Variants in RBFOX2 observed in about 807,000 individuals in gnomAD.
RBFOX2 encodes RNA binding fox-1 homolog 2.
A neutral mutation model predicts 49.1 loss-of-function variants in RBFOX2; 10 were observed. The observed-to-expected ratio is 0.20, with a 90% CI of 0.13 to 0.35. The LOEUF (loss-of-function observed/expected upper bound fraction) is 0.35, where lower values mean the gene tolerates loss of function less well. RBFOX2 is among the 10% of genes least tolerant of loss of function. The pLI is 1.00. For missense variants in RBFOX2, 323 were observed against 486.9 expected (o/e 0.66, Z 3.17); for synonymous variants, 183 against 187.4 (o/e 0.98, Z 0.19).
At chr22:35,897,087 G>A (rs999881844) in intron 1 of RBFOX2, among the ~76,000 whole-genome samples, 6 of 152,072 alleles carry the variant, frequency 3.9e-5, no homozygotes, top group Non-Finnish European at 8.8e-5. Flanking sequence ...CAAATTCTTT[G>A]AAGAGTCTTT....
intron 1 of RBFOX2, among the ~76,000 whole-genome samples, chr22:35,816,166 A>G (rs866163743): frequency 3.3e-5 from 5 of 152,360 alleles, no homozygotes; most frequent in Middle Eastern, 3.4e-3. Flanking sequence ...CTCATTTGCA[A>G]GACTTAAAGC....
chr22:35,763,563 A>T (rs1359241795), intron 6 of RBFOX2, among the ~76,000 whole-genome samples: 1 of 152,230 alleles, frequency 6.6e-6, no homozygotes, highest in Non-Finnish European at 1.5e-5. Flanking sequence ...CTGCCTCAAA[A>T]CAAAAACAAA....
chr22:35,835,509 C>T (rs1411999187), intron 1 of RBFOX2, among the ~76,000 whole-genome samples: 3 of 151,940 alleles, frequency 2.0e-5, no homozygotes, highest in Admixed American at 2.0e-4. Flanking sequence ...GGAACAAAAC[C>T]AGGAATTTGA....
chr22:36,003,052 A>G (rs979203357), intron 1 of RBFOX2, among the ~76,000 whole-genome samples: 1 of 152,156 alleles, frequency 6.6e-6, no homozygotes. Flanking sequence ...CCCCTATACA[A>G]TGAAGATCTC....
At chr22:35,795,195 C>T (rs1339212149) in intron 2 of RBFOX2, among the ~76,000 whole-genome samples, 1 of 151,956 alleles carries the variant, frequency 6.6e-6, no homozygotes, top group African/African-American at 2.4e-5. Context: ...TAAATTGATA[C>T]AGGATATATA....
intron 1 of RBFOX2, among the ~76,000 whole-genome samples, chr22:35,977,722 CTATATATATATATATATATATATATATA>C (rs375088964): frequency 3.7e-5 from 3 of 80,842 alleles, no homozygotes; most frequent in Non-Finnish European, 4.8e-5. Context: ...CCTGAATGAA[CTATATATATATATATATATATATATATA>C]TATATATATA....
chr22:35,741,406 T>G (rs779901901), exon 12 of RBFOX2: 2 of 152,252 alleles, frequency 1.3e-5, no homozygotes, highest in Non-Finnish European at 2.9e-5. Context: ...CTCTCTTTTT[T>G]AATACAGTGA....
intron 1 of RBFOX2, chr22:35,992,814 A>G (rs111539836): frequency 2.6e-5 from 4 of 152,208 alleles, no homozygotes; most frequent in Admixed American, 2.6e-4. Flanking sequence ...CCACTCCTGG[A>G]AACATCTATG....
At chr22:35,898,008 T>C (rs1407616743) in intron 1 of RBFOX2, 1 of 730,422 alleles carries the variant, frequency 1.4e-6, no homozygotes, top group Non-Finnish European at 2.5e-6. Flanking sequence ...TTTCCCAGTC[T>C]CGTCCAACAA....
chr22:35,788,757 A>G (rs185145174), intron 2 of RBFOX2, among the ~76,000 whole-genome samples: 1 of 152,324 alleles, frequency 6.6e-6, no homozygotes, highest in East Asian at 1.9e-4. Context: ...CAGTGTCCAT[A>G]GTTATATGCC....
chr22:35,758,663 T>C (rs1170677881), intron 9 of RBFOX2, among the ~76,000 whole-genome samples: 1 of 152,244 alleles, frequency 6.6e-6, no homozygotes, highest in East Asian at 1.9e-4. Flanking sequence ...GGAATGCATG[T>C]GATTTAAATG....
chr22:35,765,336 C>A, intron 6 of RBFOX2, 87 bp downstream of exon 7: 2 of 957,404 alleles, frequency 2.1e-6, no homozygotes, highest in Non-Finnish European at 3.1e-6. Context: ...TGTCTTAAGA[C>A]GGAAATAAAG....
At chr22:35,922,951 T>G (rs977668562) in intron 1 of RBFOX2, among the ~76,000 whole-genome samples, 3 of 152,164 alleles carry the variant, frequency 2.0e-5, no homozygotes, top group African/African-American at 7.2e-5. Flanking sequence ...ACCTGAACCT[T>G]CAGTCAGGTA....
At chr22:35,771,082 C>G (rs1304064378) in intron 4 of RBFOX2, among the ~76,000 whole-genome samples, 1 of 152,058 alleles carries the variant, frequency 6.6e-6, no homozygotes, top group African/African-American at 2.4e-5. Context: ...TGCAATAGGC[C>G]AAATAATGGC....
At chr22:35,889,489 T>A (rs1321739697) in intron 1 of RBFOX2, among the ~76,000 whole-genome samples, 1 of 152,166 alleles carries the variant, frequency 6.6e-6, no homozygotes, top group Non-Finnish European at 1.5e-5. Flanking sequence ...AATCTCTCAA[T>A]ACAGTTCCGC....
intron 1 of RBFOX2, among the ~76,000 whole-genome samples, chr22:35,835,240 T>C (rs1460737159): frequency 6.6e-6 from 1 of 152,118 alleles, no homozygotes; most frequent in Non-Finnish European, 1.5e-5. Flanking sequence ...AGGGAACATG[T>C]GGGATACCAA....
upstream of RBFOX2, among the ~76,000 whole-genome samples, chr22:35,964,650 T>C (rs2056451419): frequency 6.6e-6 from 1 of 152,200 alleles, no homozygotes; most frequent in Admixed American, 6.5e-5. Flanking sequence ...ATCTATACAT[T>C]AGATTTATGA....
At chr22:36,016,365 A>G (rs2059036386) in intron 1 of RBFOX2, among the ~76,000 whole-genome samples, 1 of 151,928 alleles carries the variant, frequency 6.6e-6, no homozygotes, top group South Asian at 2.1e-4. Flanking sequence ...CCTCCACCCC[A>G]ATCCCCAGAG....
At chr22:35,992,305 A>G (rs1193272046) in intron 1 of RBFOX2, 1 of 152,166 alleles carries the variant, frequency 6.6e-6, no homozygotes, top group African/African-American at 2.4e-5. Flanking sequence ...ACACATACAC[A>G]TACACACACA....
Sources: gnomAD v4.1 joint callset for allele counts (sites outside exome capture counted in the v4.1 genomes callset) on GRCh38, gnomAD v4.1.1 for gene constraint, MANE v1.5 for transcripts, NCBI Gene and HGNC (gene_info 2026-07-23, HGNC 2026-07-21) for gene names.